TRAF1: variants seen among roughly 807,000 people sequenced by gnomAD.
TRAF1 encodes the protein TNF receptor associated factor 1.
TRAF1 carries 23 observed loss-of-function variants against 40.9 expected under a neutral mutation model. The ratio of observed to expected loss-of-function variants is 0.56; its 90% CI spans 0.40 to 0.80. TRAF1 has a LOEUF of 0.80. Ranked by LOEUF, TRAF1 falls within the 30% of genes least tolerant of loss-of-function variation. TRAF1 has a pLI of 0.00. For missense variants in TRAF1, 477 were observed against 528.7 expected (o/e 0.90, Z 0.96); for synonymous variants, 206 against 218.8 (o/e 0.94, Z 0.52).
At chr9:120,906,691 T>C (rs1213184457) in intron 7 of TRAF1, among the ~76,000 whole-genome samples, 1 of 152,148 alleles carries the variant, frequency 6.6e-6, no homozygotes, top group African/African-American at 2.4e-5. Flanking sequence ...ACATTGGCAT[T>C]TACTCTTGGT....
intron 2 of TRAF1, 128 bp downstream of exon 2, chr9:120,925,808 T>C: frequency 3.0e-6 from 4 of 1,354,482 alleles, no homozygotes; most frequent in African/African-American, 1.5e-5. Flanking sequence ...GAAAAGGGTG[T>C]GGAAACTGAG....
intron 5 of TRAF1, among the ~76,000 whole-genome samples, chr9:120,912,454 A>C (rs2131623948): frequency 6.6e-6 from 1 of 152,244 alleles, no homozygotes; most frequent in South Asian, 2.1e-4. Flanking sequence ...CAGGAGATCG[A>C]GACCAGCCTG....
intron 7 of TRAF1, among the ~76,000 whole-genome samples, chr9:120,908,218 A>G (rs1175221975): frequency 1.3e-5 from 2 of 152,174 alleles, no homozygotes; most frequent in Non-Finnish European, 2.9e-5. Context: ...AAGCTAAGCT[A>G]TCTAAAAAAT....
rs920697543 is a variant in TRAF1, at chr9:120,904,781, C to T, written c.*239G>A. On this transcript the variant is annotated 3_prime_UTR_variant, in exon 8 of 8. Coordinates refer to ENST00000373887, the MANE Select transcript of TRAF1 (RefSeq NM_005658.5). ...ACTGGCCTCCCAGTGTCGCATGGTC[C>T]GTGCAGAGGGGAGCAGCTCTGCCTG... 6 of 552,178 alleles carry T rather than the reference C, an allele frequency of 1.1e-5. No homozygotes were observed. The highest frequency in any genetic ancestry group is 9.4e-5 in the Admixed American group (3 of 31,780). The allele number at this position is 552,178 out of a possible 1,614,324, so 34.2% of individuals were successfully genotyped here.
chr9:120,919,775 T>C (rs1183439272), intron 3 of TRAF1, among the ~76,000 whole-genome samples: 2 of 152,220 alleles, frequency 1.3e-5, no homozygotes, highest in Non-Finnish European at 2.9e-5. Flanking sequence ...TGCCCATTCC[T>C]GTTTTTCCCA....
chr9:120,905,077 G>A lies in TRAF1; in HGVS notation c.1194C>T (p.His398=), dbSNP rs148362756. The A allele has an allele frequency of 3.3e-5, 53 of 1,614,252 alleles. No individual in the cohort carries two copies. Among genetic ancestry groups the A allele is most frequent in the African/African-American group, 1.2e-4 (9 of 75,072 alleles). Residue 398 remains histidine, a synonymous_variant, in exon 8 of 8, where the codon CAC becomes CAT. Transcript: ENST00000373887. ...FPLSKLQSPK[H]AYVKDDTMFL... ...ACATTGTGTCGTCCTTCACGTAGGC[G>A]TGCTTGGGTGACTGCAGTTTGCTGA...
Position 120,914,258 on chromosome 9 carries a change from C to A in TRAF1, c.271G>T (p.Ala91Ser). Residue 91 changes from alanine to serine, a missense_variant, in exon 4 of 8, where the codon GCA (alanine) becomes TCA (serine). Transcript: ENST00000373887. ...VAEAGIGCPF[A>S]GVGCSFKGSP... Reference sequence around the variant, plus strand: ...ACCTTGAAGGAGCAGCCGACACCTGCAAAGGGGCACCCAATTCCAGCCTCA... The same window carrying A: ...ACCTTGAAGGAGCAGCCGACACCTGAAAAGGGGCACCCAATTCCAGCCTCA... 1 of 1,538,962 alleles carries A rather than the reference C, an allele frequency of 6.5e-7. No homozygotes were observed. Among genetic ancestry groups the A allele is most frequent in the Admixed American group, 1.8e-5 (1 of 55,788 alleles).
rs560261396 is a variant in TRAF1, at chr9:120,913,450, G to A, written c.583C>T (p.Arg195Cys). ...ACAGCAACAATGTTCTCAAACACAC[G>A]CAGCTTCCCCTCCAGCTCAGCCAGA... is the stretch of plus-strand genomic sequence containing the variant. ...KLLAELEGKL[R>C]VFENIVAVLN... The change falls in exon 5 of 8, where the codon CGT (arginine) becomes TGT (cysteine). Residue 195 changes from arginine to cysteine, a missense_variant. Coordinates refer to ENST00000373887, the MANE Select transcript of TRAF1 (RefSeq NM_005658.5). The A allele has an allele frequency of 6.1e-5, 98 of 1,613,942 alleles. No homozygotes were observed. The highest frequency in any genetic ancestry group is 2.5e-4 in the East Asian group (11 of 44,880).
intron 3 of TRAF1, 51 bp downstream of exon 3, chr9:120,923,654 T>C (rs2046619045): frequency 1.2e-6 from 2 of 1,600,132 alleles, no homozygotes; most frequent in Non-Finnish European, 1.7e-6. Flanking sequence ...GGCTTCAACC[T>C]GGAAAAATCA....
intron 7 of TRAF1, among the ~76,000 whole-genome samples, chr9:120,907,158 G>T (rs1020122264): frequency 6.6e-6 from 1 of 152,156 alleles, no homozygotes; most frequent in Non-Finnish European, 1.5e-5. Context: ...CTCTGTGCCC[G>T]GCCTATCTTC....
intron 3 of TRAF1, among the ~76,000 whole-genome samples, chr9:120,921,128 A>T (rs1473604050): frequency 1.3e-5 from 2 of 152,172 alleles, no homozygotes; most frequent in South Asian, 4.1e-4. Context: ...GTCTGCCCGC[A>T]TTAAAGAAGG....
At position 120,909,274 on chromosome 9, in the gene TRAF1, T is replaced by A. The variant is rs2046507386; in HGVS notation, c.988A>T (p.Arg330Ter). 1 of 1,614,016 alleles carries A rather than the reference T, an allele frequency of 6.2e-7. No homozygotes were observed. The highest frequency in any genetic ancestry group is 1.1e-5 in the South Asian group (1 of 91,080). The change falls in exon 7 of 8, where the codon AGA becomes TGA. Residue 330 changes from arginine (R) to a stop codon, truncating the protein, a stop_gained. Transcript: ENST00000373887. LOFTEE classifies it high-confidence loss of function. The part of the protein sequence containing the change: ...THLSLFIVIM[R>*]GEYDALLPWP... ...GGCAGCAGCGCATCATACTCCCCTCTCATGATCACGATGAAGAGCGACAGA... is the reference window on the plus strand; with the variant it reads ...GGCAGCAGCGCATCATACTCCCCTCACATGATCACGATGAAGAGCGACAGA...
intron 4 of TRAF1, 149 bp from the exon 5 acceptor site, chr9:120,913,887 GA>G: frequency 1.1e-6 from 1 of 926,002 alleles, no homozygotes; most frequent in Non-Finnish European, 1.6e-6. Context: ...GGATTCAGAG[GA>G]AGACCCTGGC....
At chr9:120,906,319 A>T (rs1020277184) in intron 7 of TRAF1, among the ~76,000 whole-genome samples, 2 of 151,862 alleles carry the variant, frequency 1.3e-5, no homozygotes, top group African/African-American at 4.8e-5. Context: ...AACTGGGATT[A>T]CAGGCATGTA....
Position 120,913,227 on chromosome 9 carries a change from G to C in TRAF1, c.705+101C>G, listed in dbSNP as rs2046541548. 6 of 1,382,572 alleles carry C rather than the reference G, an allele frequency of 4.3e-6. No homozygotes were observed. The African/African-American group carries it at 7.3e-5, about 17-fold the overall frequency. The allele number at this position is 1,382,572 out of a possible 1,614,324, so 85.6% of individuals were successfully genotyped here. ...GGAGATACGTTTTGATGGAGTGACT[G>C]CTGTAAGCAGGATGAATGATTAGGA... On this transcript the variant is annotated intron_variant, in intron 5 of 7. Coordinates refer to ENST00000373887, the MANE Select transcript of TRAF1 (RefSeq NM_005658.5).
chr9:120,923,754 T>C lies in TRAF1; in HGVS notation c.179A>G (p.Glu60Gly). Residue 60 changes from glutamate to glycine, a missense_variant, in exon 3 of 8, where the codon GAA (glutamate) becomes GGA (glycine). Physicochemically the swap from Glu to Gly is moderately conservative, Grantham distance 98. Transcript: ENST00000373887. Reference sequence around the variant, plus strand: ...TCCTGGGCTTATAGACTGGAGGTCTTCCCCTCTGCATTTGGGGCAGATCTG... The same window carrying C: ...TCCTGGGCTTATAGACTGGAGGTCTCCCCCTCTGCATTTGGGGCAGATCTG... The part of the protein sequence containing the change: ...EDQICPKCRG[E>G]DLQSISPGSR... 1 of 1,614,130 alleles carries C rather than the reference T, an allele frequency of 6.2e-7. No homozygotes were observed. The highest frequency in any genetic ancestry group is 8.5e-7 in the Non-Finnish European group (1 of 1,180,012).
In TRAF1 at chr9:120,904,662, A is replaced by C. The variant is rs899142586; in HGVS notation, c.*358T>G. 3.7e-6 allele frequency: 1 copy of C among 270,346 alleles called. No homozygotes were observed. Among genetic ancestry groups the C allele is most frequent in the Non-Finnish European group, 7.2e-6 (1 of 138,694 alleles). 16.7% of individuals were successfully genotyped at this position (270,346 alleles called of 1,614,324 possible). A position where few individuals can be genotyped will look rare whatever the true frequency, so the allele number is the denominator to read the frequency against. On this transcript the variant is annotated 3_prime_UTR_variant, in exon 8 of 8. Transcript: ENST00000373887. ...CCTGCAGAGATCTTCCTAGCCCGAG[A>C]GCTTCTCTGCTTGGGTCCTACGGTT...
chr9:120,912,769 G>C (rs1015436187), intron 5 of TRAF1, among the ~76,000 whole-genome samples: 9 of 152,250 alleles, frequency 5.9e-5, no homozygotes, highest in African/African-American at 1.9e-4. Context: ...GAGTCAGCCT[G>C]GTACCATACT....
At chr9:120,915,939 G>T (rs2046566461) in intron 3 of TRAF1, among the ~76,000 whole-genome samples, 1 of 152,104 alleles carries the variant, frequency 6.6e-6, no homozygotes, top group African/African-American at 2.4e-5. Flanking sequence ...TACTTATAAA[G>T]TTACCATACA....
Sources: allele counts gnomAD v4.1 joint callset (sites outside exome capture counted in the v4.1 genomes callset), GRCh38; gene constraint gnomAD v4.1.1; transcripts MANE v1.5; gene names NCBI Gene and HGNC (gene_info 2026-07-23, HGNC 2026-07-21).